Variants in MYO18B observed in about 807,000 individuals in gnomAD.
MYO18B encodes unconventional myosin-XVIIIb.
In MYO18B, 204 loss-of-function variants were observed where a neutral mutation model predicts 273.0. That is an observed-to-expected ratio of 0.75 (90% confidence interval 0.67 to 0.84). The LOEUF (loss-of-function observed/expected upper bound fraction) is 0.84, where lower values mean the gene tolerates loss of function less well. Ranked by LOEUF, MYO18B falls within the 40% of genes least tolerant of loss-of-function variation. MYO18B has a pLI of 0.00. For missense variants in MYO18B, 3,212 were observed against 3,287.6 expected (o/e 0.98, Z 0.56); for synonymous variants, 1,330 against 1,305.7 (o/e 1.02, Z -0.40).
rs1936380877 is a variant in MYO18B, at chr22:26,027,878, C to T, written c.*12+188C>T. 3.4e-6 allele frequency: 2 copies of T among 587,820 alleles called. No individual in the cohort carries two copies. The highest frequency in any genetic ancestry group is 3.2e-5 in the Admixed American group (1 of 31,680). The allele number at this position is 587,820 out of a possible 1,614,324, so 36.4% of individuals were successfully genotyped here. On this transcript the variant is annotated intron_variant, in intron 43 of 43. Transcript: ENST00000335473. The surrounding 1 kb of genome is among the most constrained non-coding windows in gnomAD (Gnocchi z 4.1). ...TTTTCAGAACCCCTCTGCTGGGTAC[C>T]TCTACTTCCTTGTACTTTGAAATGC...
At chr22:25,965,481 C>T (rs1306662505) in intron 39 of MYO18B, among the ~76,000 whole-genome samples, 1 of 152,176 alleles carries the variant, frequency 6.6e-6, no homozygotes, top group African/African-American at 2.4e-5. Context: ...ACTGCCTTTC[C>T]AGGGCAGGTG....
chr22:26,038,568 A>G, the MYO18B span, among the ~76,000 whole-genome samples: 14 of 152,042 alleles, frequency 9.2e-5, no homozygotes, highest in Admixed American at 7.9e-4. Flanking sequence ...TCCTCCTACC[A>G]CATGCATATT....
intron 7 of MYO18B, 86 bp from the exon 8 acceptor site, chr22:25,777,497 C>A: frequency 7.6e-7 from 1 of 1,312,804 alleles, no homozygotes; most frequent in Non-Finnish European, 1.0e-6. Context: ...CAGATCTGGA[C>A]CCTAGGCCTG....
At chr22:26,015,114 A>G (rs960931686) in intron 42 of MYO18B, among the ~76,000 whole-genome samples, 2 of 152,130 alleles carry the variant, frequency 1.3e-5, no homozygotes, top group South Asian at 2.1e-4. Flanking sequence ...TGGCATCTTC[A>G]TCATGAAATC....
chr22:25,761,072 C>T lies in MYO18B; in HGVS notation c.-21C>T, dbSNP rs755913232. On this transcript the variant is annotated 5_prime_UTR_variant, in exon 2 of 44. It adds an upstream start codon to the 5' untranslated region. Transcript: ENST00000335473. ...AGCTCCATCTCATCTCATCATCTCA[C>T]GGCCCTGGCACTGCCTCAGCATGGC... is the stretch of plus-strand genomic sequence containing the variant. 36 of 1,613,068 alleles carry T rather than the reference C, an allele frequency of 2.2e-5. No individual in the cohort carries two copies. The highest frequency in any genetic ancestry group is 8.3e-5 in the Admixed American group (5 of 59,996).
chr22:25,997,970 C>G (rs867787710), intron 40 of MYO18B, among the ~76,000 whole-genome samples: 2 of 124,698 alleles, frequency 1.6e-5, no homozygotes, highest in Admixed American at 7.6e-5. Flanking sequence ...CACACACACA[C>G]ACACACACGA....
chr22:26,020,406 C>T (rs1173904770), intron 42 of MYO18B, among the ~76,000 whole-genome samples: 4 of 152,148 alleles, frequency 2.6e-5, no homozygotes, highest in African/African-American at 9.7e-5. Context: ...CCAACCACTT[C>T]AGTCTCCACT....
intron 9 of MYO18B, among the ~76,000 whole-genome samples, chr22:25,780,750 C>A (rs1311094191): frequency 6.6e-6 from 1 of 152,190 alleles, no homozygotes; most frequent in Non-Finnish European, 1.5e-5. Context: ...GCAAGCCAGC[C>A]CGTCTGTGCT....
chr22:25,943,144 T>G (rs2092664410), intron 34 of MYO18B, among the ~76,000 whole-genome samples: 1 of 152,126 alleles, frequency 6.6e-6, no homozygotes, highest in Admixed American at 6.5e-5. Flanking sequence ...CCAGCCCAGC[T>G]CCTTGGCCTG....
chr22:25,857,427 C>G (rs2090604569), intron 21 of MYO18B, among the ~76,000 whole-genome samples: 1 of 152,186 alleles, frequency 6.6e-6, no homozygotes, highest in Non-Finnish European at 1.5e-5. Context: ...AAGGCAGCCA[C>G]TGTTATTCTG....
At chr22:25,904,490 T>G (rs570723316) in intron 31 of MYO18B, among the ~76,000 whole-genome samples, 20 of 152,316 alleles carry the variant, frequency 1.3e-4, no homozygotes, top group African/African-American at 4.8e-4. Context: ...TTGGAACCTG[T>G]GTCATCTGAC....
At position 25,817,203 on chromosome 22, in the gene MYO18B, T is replaced by G. The variant is rs186919935; in HGVS notation, c.2522-6302T>G. On this transcript the variant is annotated intron_variant, in intron 12 of 43. Coordinates refer to ENST00000335473, the MANE Select transcript of MYO18B (RefSeq NM_032608.7). ...TCCTTTTCCTCCCTTCCTCCCTTTT[T>G]CTTTCTTTCTTTCTTTCTTTCGTTC... 2.4e-3 allele frequency among the ~76,000 whole-genome samples: 324 copies of G among 132,374 alleles called. 6 individuals carry two copies. Among genetic ancestry groups the G allele is most frequent in the Admixed American group, 0.02 (256 of 12,944 alleles). The allele number at this position is 132,374 out of a possible 152,430, so 86.8% of individuals were successfully genotyped here. A position where few individuals can be genotyped will look rare whatever the true frequency, so the allele number is the denominator to read the frequency against.
At chr22:25,762,435 G>T (rs1343817221) in intron 2 of MYO18B, among the ~76,000 whole-genome samples, 1 of 152,224 alleles carries the variant, frequency 6.6e-6, no homozygotes, top group Non-Finnish European at 1.5e-5. Context: ...TCTTCTCATG[G>T]GCTGTCACTG....
intron 17 of MYO18B, among the ~76,000 whole-genome samples, chr22:25,843,456 C>T (rs147465792): frequency 6.6e-6 from 1 of 152,080 alleles, no homozygotes; most frequent in African/African-American, 2.4e-5. Context: ...CCAGGTGATA[C>T]GTGGTTATAT....
chr22:26,022,006 C>T (rs1935860493), intron 42 of MYO18B, among the ~76,000 whole-genome samples: 1 of 152,078 alleles, frequency 6.6e-6, no homozygotes. Flanking sequence ...GCAGGTATAC[C>T]AGAAGGATAT....
chr22:25,928,391 A>AG (rs1368297531), intron 34 of MYO18B, among the ~76,000 whole-genome samples: 1 of 147,114 alleles, frequency 6.8e-6, no homozygotes, highest in Non-Finnish European at 1.5e-5. Context: ...CAACATAGTA[A>AG]GACCCGGCCT....
rs1180833407 is a variant in MYO18B, at chr22:26,026,756, G to A, written c.6782G>A (p.Arg2261Lys). The change falls in exon 43 of 44, where the codon AGA (arginine) becomes AAA (lysine). Residue 2261 changes from arginine to lysine, a missense_variant. Transcript: ENST00000335473. ...TTCGTGGAAGGGCTCCGGAGGAAGA[G>A]AGCCCAGAGAGGCCAGGGGTCCACG... Reference protein sequence around the residue: ...SEFVEGLRRKRAQRGQGSTLG... With the variant: ...SEFVEGLRRKKAQRGQGSTLG... 4.3e-6 allele frequency: 7 copies of A among 1,612,002 alleles called. No individual in the cohort carries two copies. Among genetic ancestry groups the A allele is most frequent in the Non-Finnish European group, 5.9e-6 (7 of 1,179,072 alleles).
chr22:25,804,724 G>C (rs538909687), intron 12 of MYO18B, among the ~76,000 whole-genome samples: 16 of 152,342 alleles, frequency 1.1e-4, no homozygotes, highest in African/African-American at 3.4e-4. Context: ...CAGGGCAACT[G>C]TACTTTGCTC....
At chr22:25,765,406 C>T (rs560301558) in intron 3 of MYO18B, among the ~76,000 whole-genome samples, 2 of 152,322 alleles carry the variant, frequency 1.3e-5, no homozygotes, top group Admixed American at 1.3e-4. Context: ...TAGAATCCAT[C>T]CCATTTTGCA....
Sources: gnomAD v4.1 joint callset for allele counts (sites outside exome capture counted in the v4.1 genomes callset) on GRCh38, gnomAD v4.1.1 for gene constraint, Gnocchi (gnomAD v3.1) non-coding constraint, MANE v1.5 for transcripts, NCBI Gene and HGNC (gene_info 2026-07-23, HGNC 2026-07-21) for gene names.